Variants in SLC30A5 observed in about 807,000 individuals in gnomAD.
The protein encoded by SLC30A5 is proton-coupled zinc antiporter SLC30A5.
Under a neutral mutation model 79.6 loss-of-function variants are expected in SLC30A5, and 33 were observed. The observed-to-expected ratio is 0.41, with a 90% CI of 0.31 to 0.55. SLC30A5 has a LOEUF of 0.55. Ranked by LOEUF, SLC30A5 falls within the 20% of genes least tolerant of loss-of-function variation. The pLI, the probability that SLC30A5 is intolerant of heterozygous loss-of-function variation, is 0.20. For synonymous variants in SLC30A5, 299 were observed against 319.7 expected (o/e 0.94, Z 0.69); for missense variants, 788 against 928.1 (o/e 0.85, Z 1.96).
intron 6 of SLC30A5, 118 bp from the exon 7 acceptor site, chr5:69,114,302 T>TG: frequency 1.9e-6 from 1 of 520,082 alleles, no homozygotes; most frequent in Non-Finnish European, 3.5e-6. Context: ...TAATTAAGTT[T>TG]GAGGCCTCCA....
At chr5:69,124,645 A>G (rs1490012876) in intron 14 of SLC30A5, among the ~76,000 whole-genome samples, 1 of 152,120 alleles carries the variant, frequency 6.6e-6, no homozygotes, top group Non-Finnish European at 1.5e-5. Flanking sequence ...GCGCAATCCC[A>G]GCTCACTGCA....
chr5:69,108,821 C>CA (rs5868569), intron 5 of SLC30A5, among the ~76,000 whole-genome samples: 27,044 of 98,890 alleles, frequency 0.27, 3,374 homozygotes, highest in African/African-American at 0.38. Flanking sequence ...GACTCAGCCT[C>CA]AAAAAAAAAA....
In SLC30A5 at chr5:69,121,852, C is replaced by T. The variant is rs1439556605; in HGVS notation, c.1728C>T (p.His576=). 1.2e-6 allele frequency: 2 copies of T among 1,613,824 alleles called. No homozygotes were observed. Among genetic ancestry groups the T allele is most frequent in the Admixed American group, 3.3e-5 (2 of 59,944 alleles). ...GACACAGTGACCATGGGCATGGTCACAGCCACGGATCTGCGGGTGGAGGCA... is the reference window on the plus strand; with the variant it reads ...GACACAGTGACCATGGGCATGGTCATAGCCACGGATCTGCGGGTGGAGGCA... ...MHGHSDHGHG[H]SHGSAGGGMN... The change falls in exon 13 of 16, where the codon CAC becomes CAT. Residue 576 remains histidine (H), a synonymous_variant. Coordinates refer to ENST00000396591, the MANE Select transcript of SLC30A5 (RefSeq NM_022902.5).
At chr5:69,113,441 C>G (rs1485107500) in intron 6 of SLC30A5, among the ~76,000 whole-genome samples, 1 of 151,954 alleles carries the variant, frequency 6.6e-6, no homozygotes, top group African/African-American at 2.4e-5. Context: ...CTACAGTACC[C>G]TAAATTTTCA....
intron 13 of SLC30A5, among the ~76,000 whole-genome samples, 188 bp downstream of exon 13, chr5:69,122,083 T>C (rs1746551252): frequency 6.6e-6 from 1 of 152,200 alleles, no homozygotes; most frequent in South Asian, 2.1e-4. Context: ...AATTAAATAT[T>C]ATTCAGCCTT....
At chr5:69,106,314 G>A (rs1397764222) in intron 4 of SLC30A5, among the ~76,000 whole-genome samples, 1 of 152,126 alleles carries the variant, frequency 6.6e-6, no homozygotes, top group Non-Finnish European at 1.5e-5. Context: ...ATATGATTGA[G>A]TGCTGCTATT....
rs576782055 is a variant in SLC30A5 at position 69,126,762 on chromosome 5, T to G, written c.1999-1242T>G. Among the ~76,000 whole-genome samples, 21 of 151,048 alleles carry G rather than the reference T, an allele frequency of 1.4e-4. No individual in the cohort carries two copies. In the South Asian group the frequency reaches 4.4e-3, roughly 32 times the overall value. ...TCCAGCCTGGGCGACAGAGTGAGAC[T>G]CTGTCTTAAAAAAACAAACAAACAA... On this transcript the variant is annotated intron_variant, in intron 14 of 15. Transcript: ENST00000396591.
chr5:69,121,555 A>G, intron 12 of SLC30A5, 139 bp from the exon 13 acceptor site: 1 of 582,842 alleles, frequency 1.7e-6, no homozygotes, highest in Non-Finnish European at 2.9e-6. Context: ...TTTTGGACTT[A>G]CTGAAACTTA....
intron 8 of SLC30A5, among the ~76,000 whole-genome samples, 167 bp from the exon 9 acceptor site, chr5:69,115,759 G>T (rs1746353352): frequency 6.6e-6 from 1 of 152,160 alleles, no homozygotes; most frequent in Non-Finnish European, 1.5e-5. Context: ...AAACTTTGGA[G>T]AATACTGAGA....
chr5:69,122,168 G>A (rs1012788205), intron 13 of SLC30A5, among the ~76,000 whole-genome samples: 8 of 152,136 alleles, frequency 5.3e-5, no homozygotes, highest in African/African-American at 1.2e-4. Flanking sequence ...AGGCTGAGGC[G>A]GGAGTACCAC....
At position 69,129,795 on chromosome 5, in the gene SLC30A5, A is replaced by G. The variant is rs762333735; in HGVS notation, c.*178A>G. 7.3e-4 allele frequency: 344 copies of G among 471,932 alleles called. No homozygotes were observed. Among genetic ancestry groups the G allele is most frequent in the Non-Finnish European group, 9.8e-4 (270 of 275,904 alleles). 29.2% of individuals were successfully genotyped at this position (471,932 alleles called of 1,614,324 possible). ...AATACAGAATGAAACATTAATGGTA[A>G]AAGTGGAGTAATTATTTAAATTATG... On this transcript the variant is annotated 3_prime_UTR_variant, in exon 16 of 16. Coordinates refer to ENST00000396591, the MANE Select transcript of SLC30A5 (RefSeq NM_022902.5).
chr5:69,124,637 G>A (rs971384830), intron 14 of SLC30A5, among the ~76,000 whole-genome samples: 3 of 152,078 alleles, frequency 2.0e-5, no homozygotes, highest in African/African-American at 7.2e-5. Context: ...GTGGAGGGGC[G>A]CAATCCCAGC....
At chr5:69,098,170 C>T (rs1745801356) in intron 1 of SLC30A5, among the ~76,000 whole-genome samples, 1 of 152,226 alleles carries the variant, frequency 6.6e-6, no homozygotes, top group South Asian at 2.1e-4. Context: ...CATTATTTCC[C>T]ATTAACTAGT....
chr5:69,121,788 G>C lies in SLC30A5; in HGVS notation c.1664G>C (p.Cys555Ser). 2 of 1,612,040 alleles carry C rather than the reference G, an allele frequency of 1.2e-6. No homozygotes were observed. The highest frequency in any genetic ancestry group is 1.7e-6 in the Non-Finnish European group (2 of 1,178,710). ...SHAHGASQGSCHSSDHSHSHH... is the reference protein window; with the variant it reads ...SHAHGASQGSSHSSDHSHSHH... The stretch of plus-strand genomic sequence containing the variant: ...GCCCATGGAGCTTCTCAAGGAAGCT[G>C]TCACTCATCTGATCACAGCCATTCA... The change falls in exon 13 of 16, where the codon TGT becomes TCT. Residue 555 changes from cysteine (C) to serine (S), a missense_variant. By Grantham distance (112) the Cys-to-Ser change is moderately radical. Transcript: ENST00000396591.
At chr5:69,115,014 C>T (rs1017398093) in intron 7 of SLC30A5, among the ~76,000 whole-genome samples, 1 of 151,608 alleles carries the variant, frequency 6.6e-6, no homozygotes, top group African/African-American at 2.4e-5. Context: ...CCAGTAGTCC[C>T]GGCTACTTGG....
intron 12 of SLC30A5, among the ~76,000 whole-genome samples, chr5:69,119,021 G>A (rs1246127012): frequency 3.3e-5 from 5 of 151,782 alleles, no homozygotes; most frequent in South Asian, 2.1e-4. Flanking sequence ...GGCTGGTCTC[G>A]AACTACTGAC....
intron 11 of SLC30A5, 188 bp from the exon 12 acceptor site, chr5:69,118,311 G>GTGTGTATATATATATATATATATATATA (rs1321743509): frequency 1.3e-5 from 2 of 157,676 alleles, no homozygotes; most frequent in Non-Finnish European, 2.5e-5. Flanking sequence ...ATATATATGT[G>GTGTGTATATATATATATATATATATATA]TATATATATA....
intron 12 of SLC30A5, among the ~76,000 whole-genome samples, chr5:69,119,791 G>T (rs531767842): frequency 2.3e-4 from 35 of 151,948 alleles, no homozygotes; most frequent in African/African-American, 8.0e-4. Context: ...AGGCCGAGGT[G>T]GTTGGATCAC....
chr5:69,120,127 TTTG>T (rs1409210314), intron 12 of SLC30A5, among the ~76,000 whole-genome samples: 2 of 151,748 alleles, frequency 1.3e-5, no homozygotes, highest in East Asian at 1.9e-4. Flanking sequence ...ATTAAATAAA[TTTG>T]TTATCTATAT....
Sources: gnomAD v4.1 joint callset for allele counts (sites outside exome capture counted in the v4.1 genomes callset) on GRCh38, gnomAD v4.1.1 for gene constraint, MANE v1.5 for transcripts, NCBI Gene and HGNC (gene_info 2026-07-23, HGNC 2026-07-21) for gene names.